FAM13A: variants seen among roughly 807,000 people sequenced by gnomAD.
The protein encoded by FAM13A is family with sequence similarity 13 member A, also known as protein FAM13A.
A neutral mutation model predicts 129.6 loss-of-function variants in FAM13A; 76 were observed. The ratio of observed to expected loss-of-function variants is 0.59; its 90% CI spans 0.49 to 0.71. FAM13A has a LOEUF of 0.71. FAM13A is among the 30% of genes least tolerant of loss of function. FAM13A has a pLI of 0.00. For synonymous variants in FAM13A, 443 were observed against 449.9 expected (o/e 0.98, Z 0.20); for missense variants, 1,108 against 1,249.3 (o/e 0.89, Z 1.70).
intron 1 of FAM13A, among the ~76,000 whole-genome samples, chr4:89,036,117 C>T (rs1048940561): frequency 2.6e-5 from 4 of 151,956 alleles, no homozygotes; most frequent in Non-Finnish European, 5.9e-5. Flanking sequence ...TTGGAGGGCA[C>T]AGAAGAAAAA....
At chr4:89,048,775 A>G (rs1771183386) in intron 1 of FAM13A, among the ~76,000 whole-genome samples, 1 of 152,178 alleles carries the variant, frequency 6.6e-6, no homozygotes, top group Admixed American at 6.5e-5. Context: ...TAACTTTTGA[A>G]GTGGGTCACT....
At chr4:88,976,190 A>G (rs1435053280) in intron 4 of FAM13A, among the ~76,000 whole-genome samples, 2 of 152,188 alleles carry the variant, frequency 1.3e-5, no homozygotes, top group African/African-American at 2.4e-5. Flanking sequence ...TCTTTAATGA[A>G]TAACTGGCTG....
At chr4:88,935,660 A>G (rs1416429355) in intron 5 of FAM13A, among the ~76,000 whole-genome samples, 1 of 152,068 alleles carries the variant, frequency 6.6e-6, no homozygotes, top group African/African-American at 2.4e-5. Flanking sequence ...AAGCCCATCT[A>G]CCTTTTAGTT....
intron 2 of FAM13A, among the ~76,000 whole-genome samples, chr4:89,029,118 C>T (rs1395865780): frequency 6.6e-6 from 1 of 152,082 alleles, no homozygotes; most frequent in Non-Finnish European, 1.5e-5. Context: ...TGTTTGATTA[C>T]ATTAAAAATT....
Position 88,877,685 on chromosome 4 carries a change from C to T in FAM13A, c.844-26502G>A, listed in dbSNP as rs551103136. On this transcript the variant is annotated intron_variant, in intron 6 of 23. Coordinates refer to ENST00000264344, the MANE Select transcript of FAM13A (RefSeq NM_014883.4). Reference sequence around the variant, plus strand: ...TTTTGGTTTTTGCTTTGTTGCAATGCTATTTCACATCTATAATGAAGAAAA... The same window carrying T: ...TTTTGGTTTTTGCTTTGTTGCAATGTTATTTCACATCTATAATGAAGAAAA... 2.0e-5 allele frequency among the ~76,000 whole-genome samples: 3 copies of T among 152,298 alleles called. No individual in the cohort carries two copies. In the South Asian group the frequency reaches 6.2e-4, roughly 32 times the overall value.
chr4:88,962,472 A>G (rs77133425), intron 4 of FAM13A, among the ~76,000 whole-genome samples: 1,583 of 152,322 alleles, frequency 0.01, 7 homozygotes, highest in Non-Finnish European at 0.018. Flanking sequence ...GGAGGTGGGA[A>G]AAACAGAGAG....
chr4:88,788,345 T>C (rs1724405158), intron 9 of FAM13A, among the ~76,000 whole-genome samples: 1 of 152,136 alleles, frequency 6.6e-6, no homozygotes, highest in African/African-American at 2.4e-5. Context: ...AGAGAGTGAT[T>C]TGCAAAGCAA....
intron 1 of FAM13A, among the ~76,000 whole-genome samples, chr4:89,030,164 A>T (rs1768503163): frequency 6.6e-6 from 1 of 152,168 alleles, no homozygotes; most frequent in Non-Finnish European, 1.5e-5. Context: ...TAAATATCTC[A>T]GTAATCTTCT....
chr4:88,830,158 GC>G (rs1733658319), intron 7 of FAM13A, among the ~76,000 whole-genome samples: 1 of 152,172 alleles, frequency 6.6e-6, no homozygotes, highest in South Asian at 2.1e-4. Context: ...AGGATGTGGT[GC>G]AGGTGGGGTG....
intron 1 of FAM13A, among the ~76,000 whole-genome samples, 176 bp downstream of exon 1, chr4:89,056,762 A>G (rs1418415387): frequency 6.6e-6 from 1 of 152,208 alleles, no homozygotes; most frequent in Non-Finnish European, 1.5e-5. Flanking sequence ...GCTGAATGCC[A>G]TCCCAAATCC....
chr4:88,779,640 G>T (rs1722472783), intron 11 of FAM13A, among the ~76,000 whole-genome samples: 1 of 152,108 alleles, frequency 6.6e-6, no homozygotes, highest in Non-Finnish European at 1.5e-5. Context: ...TGGCAATTGA[G>T]GTAGGGGCAA....
At chr4:88,800,967 T>A (rs1193740195) in intron 8 of FAM13A, among the ~76,000 whole-genome samples, 1 of 151,896 alleles carries the variant, frequency 6.6e-6, no homozygotes, top group Non-Finnish European at 1.5e-5. Context: ...TACCTTAAAA[T>A]AATCATTTAG....
chr4:88,764,428 T>C (rs1457806716), intron 13 of FAM13A, among the ~76,000 whole-genome samples: 1 of 152,168 alleles, frequency 6.6e-6, no homozygotes, highest in Non-Finnish European at 1.5e-5. Context: ...CATTGTAAGG[T>C]TTTAGTTTTA....
chr4:88,787,664 G>C (rs1472524624), intron 10 of FAM13A, 89 bp downstream of exon 10: 7 of 1,201,420 alleles, frequency 5.8e-6, no homozygotes, highest in Non-Finnish European at 8.3e-6. Context: ...GGACCAGGAG[G>C]TATGACTATA....
At chr4:89,025,754 G>A (rs77587354) in intron 2 of FAM13A, among the ~76,000 whole-genome samples, 1 of 152,070 alleles carries the variant, frequency 6.6e-6, no homozygotes, top group Non-Finnish European at 1.5e-5. Context: ...AAAAGATTCA[G>A]AACAGTGTGC....
intron 23 of FAM13A, chr4:88,729,303 A>G (rs1314501348): frequency 6.6e-6 from 1 of 152,162 alleles, no homozygotes; most frequent in Admixed American, 6.5e-5. Context: ...AGATGCAGCC[A>G]TTTTCTACAC....
chr4:88,945,783 G>GTA (rs146789971), intron 4 of FAM13A, among the ~76,000 whole-genome samples: 2,722 of 127,014 alleles, frequency 0.021, 51 homozygotes, highest in Middle Eastern at 0.044. Flanking sequence ...CTATGTGGTT[G>GTA]TATATATATA....
At chr4:89,002,516 C>T (rs182681383) in intron 3 of FAM13A, among the ~76,000 whole-genome samples, 13 of 152,302 alleles carry the variant, frequency 8.5e-5, no homozygotes, top group Admixed American at 7.2e-4. Context: ...CCCACCTCCC[C>T]CAAGCCCTGC....
At chr4:88,747,229 C>G (rs575272341) in intron 18 of FAM13A, among the ~76,000 whole-genome samples, 6 of 152,242 alleles carry the variant, frequency 3.9e-5, no homozygotes, top group African/African-American at 1.2e-4. Context: ...ACCTGGATCT[C>G]CCTCACGGCA....
Sources: allele counts gnomAD v4.1 joint callset (sites outside exome capture counted in the v4.1 genomes callset), GRCh38; gene constraint gnomAD v4.1.1; transcripts MANE v1.5; gene names NCBI Gene and HGNC (gene_info 2026-07-23, HGNC 2026-07-21).